GSTCD: variants seen among roughly 807,000 people sequenced by gnomAD.
The protein encoded by GSTCD is glutathione S-transferase C-terminal domain-containing protein.
A neutral mutation model predicts 68.3 loss-of-function variants in GSTCD; 44 were observed. The observed-to-expected ratio is 0.64, with a 90% confidence interval of 0.51 to 0.83. The LOEUF (loss-of-function observed/expected upper bound fraction) is 0.83, where lower values mean the gene tolerates loss of function less well. GSTCD is among the 40% of genes least tolerant of loss of function. The pLI, the probability that GSTCD is intolerant of heterozygous loss-of-function variation, is 0.00. For synonymous variants in GSTCD, 273 were observed against 255.2 expected, an observed-to-expected ratio of 1.07 and a Z score of -0.67; for missense variants, 739 against 735.9, an observed-to-expected ratio of 1.00 and a Z score of -0.05.
chr4:105,727,753 T>C (rs558832144), intron 4 of GSTCD, among the ~76,000 whole-genome samples: 1 of 152,116 alleles, frequency 6.6e-6, no homozygotes, highest in Admixed American at 6.5e-5. Flanking sequence ...TTGTTTTCAG[T>C]AGTACTAATT....
At chr4:105,841,942 G>A (rs1330343565) in intron 10 of GSTCD, 123 bp from the exon 11 acceptor site, 1 of 691,596 alleles carries the variant, frequency 1.4e-6, no homozygotes, top group Non-Finnish European at 2.6e-6. Flanking sequence ...TATTTGTGCA[G>A]TACTTTATTC....
chr4:105,827,560 G>A (rs1474771237), intron 8 of GSTCD, among the ~76,000 whole-genome samples: 1 of 152,128 alleles, frequency 6.6e-6, no homozygotes, highest in Non-Finnish European at 1.5e-5. Context: ...TTGCCTAGGA[G>A]AGTAATTGAG....
intron 5 of GSTCD, among the ~76,000 whole-genome samples, chr4:105,731,986 G>A (rs574838169): frequency 1.1e-4 from 16 of 152,098 alleles, no homozygotes; most frequent in Non-Finnish European, 1.9e-4. Context: ...TTTATATGCT[G>A]GATTACGTTT....
intron 5 of GSTCD, among the ~76,000 whole-genome samples, chr4:105,803,871 A>G (rs1426192612): frequency 1.3e-5 from 2 of 152,028 alleles, no homozygotes; most frequent in Admixed American, 1.3e-4. Flanking sequence ...CTCAAAAGAA[A>G]ACCAACAGAA....
intron 4 of GSTCD, 95 bp downstream of exon 4, chr4:105,726,925 T>C: frequency 9.7e-7 from 1 of 1,033,192 alleles, no homozygotes; most frequent in South Asian, 1.8e-5. Flanking sequence ...ACATTATTTT[T>C]GTTATAAATT....
Position 105,822,436 on chromosome 4 carries a change from C to CAAG in GSTCD, c.1241-516_1241-514dup, listed in dbSNP as rs754265182. ...TTCCCAGTGTCCTACACAGAAGAAT[C>CAAG]AAGAGTTCAAGGATGTGCCAATTAA... On this transcript the variant is annotated intron_variant, in intron 5 of 11. Coordinates refer to ENST00000515279, the MANE Select transcript of GSTCD (RefSeq NM_001370181.1). Among the ~76,000 whole-genome samples the CAAG allele has an allele frequency of 4.6e-5, 7 of 152,162 alleles. No homozygotes were observed. In the East Asian group the frequency reaches 7.7e-4, roughly 17 times the overall value.
chr4:105,767,040 G>A lies in GSTCD; in HGVS notation c.1240+37541G>A, dbSNP rs141913387. Among the ~76,000 whole-genome samples, 790 of 151,940 alleles carry A rather than the reference G, an allele frequency of 5.2e-3. 7 individuals carry two copies. The highest frequency in any genetic ancestry group is 9.4e-3 in the Admixed American group (143 of 15,256). On this transcript the variant is annotated intron_variant, in intron 5 of 11. Coordinates refer to ENST00000515279, the MANE Select transcript of GSTCD (RefSeq NM_001370181.1). ...CAAAGAATGATTCATGAATTGAGTC[G>A]CCCCCAGAACAGAATATGTTGAGAG...
intron 8 of GSTCD, among the ~76,000 whole-genome samples, chr4:105,832,018 T>C (rs1723917026): frequency 6.6e-6 from 1 of 152,224 alleles, no homozygotes; most frequent in Non-Finnish European, 1.5e-5. Context: ...GATTTTTAGC[T>C]TAGTTAGGAA....
At chr4:105,735,964 C>T (rs973658749) in intron 5 of GSTCD, among the ~76,000 whole-genome samples, 9 of 152,088 alleles carry the variant, frequency 5.9e-5, no homozygotes, top group Non-Finnish European at 1.0e-4. Flanking sequence ...TAATGATCTT[C>T]TAATGCCCAA....
chr4:105,802,435 A>AT (rs1736140261), intron 5 of GSTCD, among the ~76,000 whole-genome samples: 2 of 151,806 alleles, frequency 1.3e-5, no homozygotes, highest in South Asian at 2.1e-4. Flanking sequence ...CTGTTTATTC[A>AT]TTTTTTTCTT....
rs1722982507 is a variant in GSTCD, at chr4:105,816,328, C to A, written c.1241-6626C>A. On this transcript the variant is annotated intron_variant, in intron 5 of 11. Transcript: ENST00000515279. ...CCTTCTGGATAATCCGATTTTGCAA[C>A]AAATTGATTGCTCAACCTCTCCATG... 4.6e-5 allele frequency among the ~76,000 whole-genome samples: 7 copies of A among 152,068 alleles called. No homozygotes were observed. In the South Asian group the frequency reaches 1.5e-3, roughly 32 times the overall value.
chr4:105,736,354 C>T (rs1464095700), intron 5 of GSTCD, among the ~76,000 whole-genome samples: 1 of 152,034 alleles, frequency 6.6e-6, no homozygotes, highest in Non-Finnish European at 1.5e-5. Flanking sequence ...GGGTAAATTC[C>T]TACAGAAAGG....
chr4:105,721,918 A>C (rs148404737), intron 3 of GSTCD, among the ~76,000 whole-genome samples: 1 of 152,292 alleles, frequency 6.6e-6, no homozygotes, highest in Non-Finnish European at 1.5e-5. Flanking sequence ...ATAGCGTATC[A>C]ACATTATGGG....
At chr4:105,756,570 G>C (rs1289821313) in intron 5 of GSTCD, among the ~76,000 whole-genome samples, 1 of 86,820 alleles carries the variant, frequency 1.2e-5, no homozygotes, top group Non-Finnish European at 2.5e-5. Context: ...ATATATGTGT[G>C]TGTGTGTGTG....
intron 1 of GSTCD, among the ~76,000 whole-genome samples, chr4:105,714,708 A>T (rs571363269): frequency 9.9e-5 from 15 of 151,588 alleles, no homozygotes; most frequent in East Asian, 7.7e-4. Context: ...CATCTATATT[A>T]AAAAAAATAC....
intron 5 of GSTCD, among the ~76,000 whole-genome samples, chr4:105,810,608 A>G (rs1722713058): frequency 6.6e-6 from 1 of 152,108 alleles, no homozygotes; most frequent in Admixed American, 6.6e-5. Flanking sequence ...AACGGTGAAC[A>G]CTACTTATGA....
intron 5 of GSTCD, among the ~76,000 whole-genome samples, chr4:105,751,319 T>TTGGAAA (rs1420228328): frequency 6.6e-6 from 1 of 152,156 alleles, no homozygotes; most frequent in East Asian, 1.9e-4. Context: ...TCAGGGAAAT[T>TTGGAAA]AAGAATATTG....
chr4:105,836,185 C>T (rs1011156659), intron 9 of GSTCD, among the ~76,000 whole-genome samples: 3 of 152,004 alleles, frequency 2.0e-5, no homozygotes, highest in Admixed American at 2.0e-4. Flanking sequence ...CATCTCATCT[C>T]ATCTCTGCAA....
intron 5 of GSTCD, among the ~76,000 whole-genome samples, chr4:105,794,838 T>TC (rs1366779870): frequency 5.5e-4 from 50 of 91,058 alleles, no homozygotes; most frequent in African/African-American, 1.1e-3. Context: ...TATCTATCTA[T>TC]TTATCTATCT....
Sources: gnomAD v4.1 joint callset for allele counts (sites outside exome capture counted in the v4.1 genomes callset) on GRCh38, gnomAD v4.1.1 for gene constraint, MANE v1.5 for transcripts, NCBI Gene and HGNC (gene_info 2026-07-23, HGNC 2026-07-21) for gene names.